SGIP1: variants seen among roughly 807,000 people sequenced by gnomAD.
SGIP1 encodes the protein SH3GL interacting endocytic adaptor 1, also known as SH3-containing GRB2-like protein 3-interacting protein 1.
SGIP1 carries 38 observed loss-of-function variants against 107.5 expected under a neutral mutation model. The observed-to-expected ratio is 0.35, with a 90% CI of 0.27 to 0.46. SGIP1 has a LOEUF of 0.46. Among genes scored for constraint, SGIP1 ranks in the 20% least tolerant of loss-of-function variants. The pLI, the probability that SGIP1 is intolerant of heterozygous loss-of-function variation, is 1.00. For missense variants in SGIP1, 929 were observed against 1,019.5 expected, an observed-to-expected ratio of 0.91 and a Z score of 1.21; for synonymous variants, 365 against 366.1, an observed-to-expected ratio of 1.00 and a Z score of 0.03.
At chr1:66,706,020 C>T (rs989465064) in intron 18 of SGIP1, among the ~76,000 whole-genome samples, 2 of 151,706 alleles carry the variant, frequency 1.3e-5, no homozygotes, top group Non-Finnish European at 2.9e-5. Context: ...ACATGTATCC[C>T]GGAACTTAGA....
intron 18 of SGIP1, among the ~76,000 whole-genome samples, chr1:66,710,433 T>C (rs79154999): frequency 0.013 from 2,006 of 152,260 alleles, 18 homozygotes; most frequent in Non-Finnish European, 0.022. Flanking sequence ...TCAGGTACTG[T>C]AATTTACATA....
At position 66,675,542 on chromosome 1, in the gene SGIP1, T is replaced by TTTC. The variant is rs1553147040; in HGVS notation, c.647-1460_647-1459insCTT. On this transcript the variant is annotated intron_variant, in intron 12 of 24. Coordinates refer to ENST00000371037, the MANE Select transcript of SGIP1 (RefSeq NM_032291.4). ...TTGTTTTTCTTTTTCTTTTTCTTTC[T>TTTC]TTTTTTTTTTTTTTTTTGACAGAAT... is the stretch of plus-strand genomic sequence containing the variant. Among the ~76,000 whole-genome samples the TTTC allele has an allele frequency of 4.5e-5, 5 of 111,462 alleles. No homozygotes were observed. In the South Asian group the frequency reaches 1.2e-3, roughly 27 times the overall value. The allele number at this position is 111,462 out of a possible 152,430, so 73.1% of individuals were successfully genotyped here. A position where few individuals can be genotyped will look rare whatever the true frequency, so the allele number is the denominator to read the frequency against.
Position 66,749,493 on chromosome 1 carries a change from A to G in SGIP1, c.*6398A>G, listed in dbSNP as rs77848298. 6.6e-5 allele frequency among the ~76,000 whole-genome samples: 10 copies of G among 151,388 alleles called. No homozygotes were observed. The East Asian group carries it at 1.9e-3, about 29-fold the overall frequency. On this transcript the variant is annotated 3_prime_UTR_variant, in exon 25 of 25. Transcript: ENST00000371037. ...TTTTTTGCTTTGCTTTACTTTGCCA[A>G]TCAGTTACTTTTATACCAAATTAAC...
In SGIP1 at chr1:66,747,504, T is replaced by A. The variant is rs148170006; in HGVS notation, c.*4409T>A. On this transcript the variant is annotated 3_prime_UTR_variant, in exon 25 of 25. Coordinates refer to ENST00000371037, the MANE Select transcript of SGIP1 (RefSeq NM_032291.4). ...TTCATATTTCTGTCCTTTTCTTCAA[T>A]GTCTTAAAAGACTTGAAGTAGAAGG... 6 of 152,172 alleles carry A rather than the reference T, an allele frequency of 3.9e-5. No homozygotes were observed. The South Asian group carries it at 8.3e-4, about 21-fold the overall frequency. 9.4% of individuals were successfully genotyped at this position (152,172 alleles called of 1,614,324 possible). A position where few individuals can be genotyped will look rare whatever the true frequency, so the allele number is the denominator to read the frequency against.
chr1:66,594,537 C>T (rs1396661582), intron 1 of SGIP1, among the ~76,000 whole-genome samples: 4 of 152,146 alleles, frequency 2.6e-5, no homozygotes, highest in African/African-American at 9.7e-5. Flanking sequence ...GGCCCTTAGC[C>T]TTGGAGATCC....
At chr1:66,542,906 T>C (rs1200391312) in intron 1 of SGIP1, among the ~76,000 whole-genome samples, 1 of 152,230 alleles carries the variant, frequency 6.6e-6, no homozygotes, top group African/African-American at 2.4e-5. Flanking sequence ...AAGTGCTGTT[T>C]ATTTGTATAA....
chr1:66,553,719 T>C (rs1476922569), intron 1 of SGIP1, among the ~76,000 whole-genome samples: 1 of 151,962 alleles, frequency 6.6e-6, no homozygotes, highest in Admixed American at 6.6e-5. Context: ...AATAATTTGA[T>C]TAAGAGCTAC....
chr1:66,677,460 A>T (rs1240480966), intron 13 of SGIP1, among the ~76,000 whole-genome samples: 1 of 152,236 alleles, frequency 6.6e-6, no homozygotes, highest in Non-Finnish European at 1.5e-5. Context: ...AACAAGTCTA[A>T]TACGGTCTCT....
In SGIP1 at chr1:66,558,252, T is replaced by C. The variant is rs1338185; in HGVS notation, c.10+23884T>C. On this transcript the variant is annotated intron_variant, in intron 1 of 24. Coordinates refer to ENST00000371037, the MANE Select transcript of SGIP1 (RefSeq NM_032291.4). ...GGGCTGGCTTCATGGGTCTGCAATC[T>C]GCACATAAGGGCCCATGCTTAGAGG... Among the ~76,000 whole-genome samples, 298 of 152,104 alleles carry C rather than the reference T, an allele frequency of 2.0e-3. 7 individuals carry two copies. The East Asian group carries it at 0.05, about 26-fold the overall frequency.
chr1:66,648,183 G>GT (rs2078003735), intron 7 of SGIP1, among the ~76,000 whole-genome samples: 1 of 152,126 alleles, frequency 6.6e-6, no homozygotes, highest in African/African-American at 2.4e-5. Flanking sequence ...CTAGGAAGGG[G>GT]CATGCCCTTG....
chr1:66,635,148 T>C (rs2075534996), intron 3 of SGIP1, among the ~76,000 whole-genome samples: 1 of 152,242 alleles, frequency 6.6e-6, no homozygotes, highest in African/African-American at 2.4e-5. Context: ...GTTTATTTAA[T>C]GCCAGTTTCT....
chr1:66,689,065 T>G, intron 15 of SGIP1, 83 bp from the exon 16 acceptor site: 1 of 1,337,168 alleles, frequency 7.5e-7, no homozygotes. Flanking sequence ...AAAAAAAAAA[T>G]GTCCGGGACT....
intron 15 of SGIP1, among the ~76,000 whole-genome samples, chr1:66,686,004 G>A (rs2088126829): frequency 6.6e-6 from 1 of 152,030 alleles, no homozygotes; most frequent in South Asian, 2.1e-4. Flanking sequence ...TTTGGGAAAG[G>A]TTGTTTAGTT....
chr1:66,671,289 T>C (rs1253690063), intron 10 of SGIP1, among the ~76,000 whole-genome samples: 2 of 152,214 alleles, frequency 1.3e-5, no homozygotes, highest in Non-Finnish European at 2.9e-5. Flanking sequence ...GCTGTATTAT[T>C]TAACTTTAGA....
chr1:66,676,989 CTTT>C lies in SGIP1; in HGVS notation c.647-11_647-9del, dbSNP rs771688805. The C allele has an allele frequency of 3.7e-5, 59 of 1,593,192 alleles. No homozygotes were observed. Among genetic ancestry groups the C allele is most frequent in the African/African-American group, 2.6e-4 (19 of 73,080 alleles). ...TTTTTAACTCACCCTGGGAAATCTT[CTTT>C]TTTGTTTCCAGTTCTTTTAGATCAG... On this transcript the variant is annotated splice_polypyrimidine_tract_variant and intron_variant, in intron 12 of 24. Transcript: ENST00000371037.
At chr1:66,561,893 A>C (rs2148459814) in intron 1 of SGIP1, among the ~76,000 whole-genome samples, 1 of 152,178 alleles carries the variant, frequency 6.6e-6, no homozygotes, top group Admixed American at 6.6e-5. Flanking sequence ...GAAAAGTTAC[A>C]ATAAAGTCCA....
At chr1:66,611,611 T>G (rs1273440794) in intron 1 of SGIP1, among the ~76,000 whole-genome samples, 1 of 152,212 alleles carries the variant, frequency 6.6e-6, no homozygotes, top group Non-Finnish European at 1.5e-5. Flanking sequence ...CACATTCTCT[T>G]CCTTTTCCGT....
intron 1 of SGIP1, among the ~76,000 whole-genome samples, chr1:66,619,017 G>A (rs1245424968): frequency 6.6e-6 from 1 of 152,136 alleles, no homozygotes; most frequent in South Asian, 2.1e-4. Context: ...GGGGAGATAC[G>A]TGAGGAACAG....
intron 1 of SGIP1, among the ~76,000 whole-genome samples, chr1:66,583,362 C>T (rs1254584111): frequency 6.6e-6 from 1 of 152,016 alleles, no homozygotes; most frequent in Non-Finnish European, 1.5e-5. Context: ...TTCACCCCAT[C>T]CTACTGAGTC....
Sources: gnomAD v4.1 joint callset for allele counts (sites outside exome capture counted in the v4.1 genomes callset) on GRCh38, gnomAD v4.1.1 for gene constraint, MANE v1.5 for transcripts, NCBI Gene and HGNC (gene_info 2026-07-23, HGNC 2026-07-21) for gene names.